The following AFF4 variants were observed in gnomAD, a reference collection of about 807,000 sequenced individuals.
The protein encoded by AFF4 is AF4/FMR2 family member 4.
AFF4 carries 13 observed loss-of-function variants against 124.8 expected under a neutral mutation model. The observed-to-expected ratio is 0.10, with a 90% confidence interval of 0.07 to 0.17. The LOEUF (loss-of-function observed/expected upper bound fraction) is 0.17, where lower values mean the gene tolerates loss of function less well. Ranked by LOEUF, AFF4 falls within the 10% of genes least tolerant of loss-of-function variation. The pLI is 1.00. For missense variants in AFF4, 1,092 were observed against 1,403.8 expected, an observed-to-expected ratio of 0.78 and a Z score of 3.55; for synonymous variants, 477 against 496.1, an observed-to-expected ratio of 0.96 and a Z score of 0.51.
At chr5:132,902,596 C>G (rs1760578890) in intron 6 of AFF4, 109 bp from the exon 7 acceptor site, 1 of 863,086 alleles carries the variant, frequency 1.2e-6, no homozygotes, top group African/African-American at 1.7e-5. Flanking sequence ...AAATATAATT[C>G]TTCAACCACC....
rs138116584 is a variant in AFF4 at position 132,892,356 on chromosome 5, G to A, written c.2445C>T (p.Pro815=). Residue 815 remains proline, a synonymous_variant, in exon 13 of 21, where the codon CCC becomes CCT. Coordinates refer to ENST00000265343, the MANE Select transcript of AFF4 (RefSeq NM_014423.4). ...AAKEKDLLPS[P]AGPVPSKDPK... is the part of the protein sequence containing the mutation. Reference sequence around the variant, plus strand: ...GATCTTTTGAAGGAACAGGCCCAGCGGGAGAAGGCAACAAATCCTTTTCTT... The same window carrying A: ...GATCTTTTGAAGGAACAGGCCCAGCAGGAGAAGGCAACAAATCCTTTTCTT... The A allele has an allele frequency of 2.5e-4, 411 of 1,613,888 alleles. No individual in the cohort carries two copies. Among genetic ancestry groups the A allele is most frequent in the Middle Eastern group, 2.5e-3 (15 of 6,050 alleles).
chr5:132,958,441 G>C (rs1269279208), intron 1 of AFF4, among the ~76,000 whole-genome samples: 1 of 134,246 alleles, frequency 7.4e-6, no homozygotes, highest in Non-Finnish European at 1.5e-5. Context: ...ACTCCAGCCT[G>C]GATGACAGAG....
intron 1 of AFF4, among the ~76,000 whole-genome samples, chr5:132,949,698 A>ACG (rs1435946647): frequency 1.5e-3 from 219 of 142,106 alleles, no homozygotes; most frequent in Non-Finnish European, 2.4e-3. Context: ...ACACACACAC[A>ACG]CACGCGCGCG....
rs1761989034 is a variant in AFF4, at chr5:132,957,447, G to C, written c.-5+5812C>G. 2.0e-5 allele frequency among the ~76,000 whole-genome samples: 3 copies of C among 151,940 alleles called. No homozygotes were observed. In the South Asian group the frequency reaches 6.2e-4, roughly 31 times the overall value. ...TAGATGTTAACTATTAAAATTTACA[G>C]AAAGGACGGGTGCAGTGGCTCATAC... On this transcript the variant is annotated intron_variant, in intron 1 of 20. Transcript: ENST00000265343.
chr5:132,934,079 C>G, intron 3 of AFF4, 68 bp downstream of exon 3: 2 of 1,490,364 alleles, frequency 1.3e-6, no homozygotes, highest in South Asian at 2.6e-5. Flanking sequence ...CAAGTTCAAT[C>G]GTAATTTCAT....
rs186596148 is a variant in AFF4, at chr5:132,913,808, A to G, written c.1051-9404T>C. Among the ~76,000 whole-genome samples, 9 of 152,356 alleles carry G rather than the reference A, an allele frequency of 5.9e-5. No individual in the cohort carries two copies. In the East Asian group the frequency reaches 1.3e-3, roughly 23 times the overall value. The stretch of plus-strand genomic sequence containing the variant: ...AAAAGACAATAATCTGGAACATGAA[A>G]TAAGTCTCAATCTCATACAATGTAT... On this transcript the variant is annotated intron_variant, in intron 5 of 20. Transcript: ENST00000265343.
Position 132,898,262 on chromosome 5 carries a change from C to T in AFF4, c.1357G>A (p.Ala453Thr). ...GATGCACTCTGGGATGGCTCATTTG[C>T]CTCACTGTCACTGGAACTACTTTCA... ...ESESSSSDSE[A>T]NEPSQSASPE... is the part of the protein sequence containing the mutation. The change falls in exon 10 of 21, where the codon GCA (alanine) becomes ACA (threonine). Residue 453 changes from alanine to threonine, a missense_variant. This residue lies in a region of AFF4 where 9 missense variants were observed against 33.7 expected (regional missense o/e 0.27). Transcript: ENST00000265343. 1 of 1,614,204 alleles carries T rather than the reference C, an allele frequency of 6.2e-7. No individual in the cohort carries two copies.
At chr5:132,911,571 AAAAG>A (rs1340684972) in intron 5 of AFF4, among the ~76,000 whole-genome samples, 5 of 152,034 alleles carry the variant, frequency 3.3e-5, no homozygotes, top group African/African-American at 1.2e-4. Context: ...AAAAGAAAAA[AAAAG>A]AAAGAACAGA....
chr5:132,911,012 T>C (rs1023493213), intron 5 of AFF4, among the ~76,000 whole-genome samples: 1 of 152,220 alleles, frequency 6.6e-6, no homozygotes, highest in Non-Finnish European at 1.5e-5. Flanking sequence ...CTGGTGCCAA[T>C]GAAGTAGTGG....
intron 1 of AFF4, among the ~76,000 whole-genome samples, chr5:132,960,746 T>C (rs1176738326): frequency 1.3e-5 from 2 of 152,262 alleles, no homozygotes; most frequent in East Asian, 1.9e-4. Flanking sequence ...CACATTCAAA[T>C]TCAATCTAGT....
Position 132,932,158 on chromosome 5 carries a change from A to T in AFF4, c.963+20T>A, listed in dbSNP as rs577477678. 126 of 1,559,708 alleles carry T rather than the reference A, an allele frequency of 8.1e-5. 2 individuals are homozygous for T. The South Asian group carries it at 1.5e-3, about 18-fold the overall frequency. On this transcript the variant is annotated intron_variant, in intron 4 of 20. Coordinates refer to ENST00000265343, the MANE Select transcript of AFF4 (RefSeq NM_014423.4). ...ATAAAAAATTAAAGAAATTGAAATG[A>T]TTTTTTTTAAAAAACTTACTTTTAG...
chr5:132,901,404 C>T (rs1382184523), intron 7 of AFF4, among the ~76,000 whole-genome samples: 1 of 152,176 alleles, frequency 6.6e-6, no homozygotes, highest in Non-Finnish European at 1.5e-5. Context: ...TATTTTCATT[C>T]TTAGTTCTTA....
intron 16 of AFF4, 81 bp from the exon 17 acceptor site, chr5:132,887,673 A>G: frequency 6.5e-7 from 1 of 1,527,912 alleles, no homozygotes; most frequent in Non-Finnish European, 9.0e-7. Context: ...TCAAAACATT[A>G]GAATTTCAAA....
chr5:132,932,534 TTACC>T (rs1362045884), intron 3 of AFF4, among the ~76,000 whole-genome samples: 1 of 152,216 alleles, frequency 6.6e-6, no homozygotes, highest in Non-Finnish European at 1.5e-5. Flanking sequence ...AAATTTAATC[TTACC>T]TATATATAAA....
At chr5:132,958,489 A>G (rs1434284559) in intron 1 of AFF4, among the ~76,000 whole-genome samples, 1 of 148,264 alleles carries the variant, frequency 6.7e-6, no homozygotes. Context: ...AAAAAAAAAA[A>G]GGAGCTACAA....
At chr5:132,927,319 T>G (rs1310884935) in intron 4 of AFF4, 112 bp from the exon 5 acceptor site, 1 of 821,446 alleles carries the variant, frequency 1.2e-6, no homozygotes, top group African/African-American at 1.8e-5. Flanking sequence ...TCCTCCAAAA[T>G]TCTACATACT....
At chr5:132,881,820 CAA>C (rs1759986030) in intron 20 of AFF4, among the ~76,000 whole-genome samples, 1 of 146,558 alleles carries the variant, frequency 6.8e-6, no homozygotes, top group Non-Finnish European at 1.5e-5. Flanking sequence ...ATATAAAATA[CAA>C]AAAAGTTTTT....
chr5:132,945,577 C>T (rs563382722), intron 1 of AFF4: 1 of 152,254 alleles, frequency 6.6e-6, no homozygotes, highest in South Asian at 2.1e-4. Flanking sequence ...CATAGTGAAA[C>T]CCCGTCTCCA....
chr5:132,914,986 A>G (rs192888401), intron 5 of AFF4, among the ~76,000 whole-genome samples: 1 of 152,318 alleles, frequency 6.6e-6, no homozygotes, highest in African/African-American at 2.4e-5. Context: ...TTTGCTTAAA[A>G]ACCATCTTAC....
Sources: gnomAD v4.1 joint callset for allele counts (sites outside exome capture counted in the v4.1 genomes callset) on GRCh38, gnomAD v4.1.1 for gene constraint, gnomAD v4.1.1 regional missense constraint, MANE v1.5 for transcripts, NCBI Gene and HGNC (gene_info 2026-07-23, HGNC 2026-07-21) for gene names.